Variants in TTC28 observed in about 807,000 individuals in gnomAD.
TTC28 encodes the protein tetratricopeptide repeat domain 28, also known as tetratricopeptide repeat protein 28.
In TTC28, 61 loss-of-function variants were observed where a neutral mutation model predicts 198.0. The observed-to-expected ratio is 0.31, with a 90% CI of 0.25 to 0.38. The LOEUF (loss-of-function observed/expected upper bound fraction) is 0.38, where lower values mean the gene tolerates loss of function less well. Among genes scored for constraint, TTC28 ranks in the 10% least tolerant of loss-of-function variants. The pLI is 1.00. For synonymous variants in TTC28, 1,171 were observed against 1,297.8 expected (o/e 0.90, Z 2.10); for missense variants, 2,678 against 3,164.0 (o/e 0.85, Z 3.69).
intron 12 of TTC28, among the ~76,000 whole-genome samples, chr22:28,077,933 C>G (rs1240212252): frequency 6.6e-6 from 1 of 152,156 alleles, no homozygotes; most frequent in African/African-American, 2.4e-5. Context: ...TGCCACAGCA[C>G]CGTTCTAGGA....
intron 2 of TTC28, among the ~76,000 whole-genome samples, chr22:28,443,625 C>A (rs929896493): frequency 6.6e-6 from 1 of 151,840 alleles, no homozygotes. Context: ...GGAAATCCTG[C>A]AAGAACCCAA....
intron 2 of TTC28, among the ~76,000 whole-genome samples, chr22:28,511,530 T>G (rs141878074): frequency 0.016 from 2,466 of 152,202 alleles, 89 homozygotes; most frequent in African/African-American, 0.057. Flanking sequence ...AACACTTAAA[T>G]GTAAAACCCA....
At chr22:28,250,107 A>G (rs764325586) in intron 5 of TTC28, among the ~76,000 whole-genome samples, 3 of 152,236 alleles carry the variant, frequency 2.0e-5, no homozygotes, top group Non-Finnish European at 4.4e-5. Flanking sequence ...ACCATTTTCA[A>G]TATTTCAAAA....
chr22:28,591,085 A>G (rs1359608016), intron 2 of TTC28, among the ~76,000 whole-genome samples: 6 of 123,080 alleles, frequency 4.9e-5, no homozygotes, highest in East Asian at 2.4e-4. Context: ...ATATATATAT[A>G]GGAATTGTGA....
chr22:28,445,954 TG>T (rs1173105118), intron 2 of TTC28, among the ~76,000 whole-genome samples: 1 of 152,078 alleles, frequency 6.6e-6, no homozygotes, highest in East Asian at 1.9e-4. Flanking sequence ...GGGACTTGAC[TG>T]TTATAATACC....
At chr22:28,519,294 C>T (rs1023420228) in intron 2 of TTC28, among the ~76,000 whole-genome samples, 1 of 152,182 alleles carries the variant, frequency 6.6e-6, no homozygotes, top group African/African-American at 2.4e-5. Context: ...TCTGGCACTT[C>T]AATTTTGCTT....
intron 2 of TTC28, among the ~76,000 whole-genome samples, chr22:28,563,853 A>C (rs993630209): frequency 6.6e-6 from 1 of 152,230 alleles, no homozygotes; most frequent in African/African-American, 2.4e-5. Flanking sequence ...TGTTCGTGAC[A>C]GCATTATTAT....
chr22:28,435,616 G>A (rs940682572), intron 2 of TTC28, among the ~76,000 whole-genome samples: 3 of 152,134 alleles, frequency 2.0e-5, no homozygotes, highest in African/African-American at 7.2e-5. Flanking sequence ...GGCTGCTGGC[G>A]CCCTTTCTTG....
At chr22:28,039,516 G>A (rs1338984901) in intron 12 of TTC28, among the ~76,000 whole-genome samples, 1 of 102,034 alleles carries the variant, frequency 9.8e-6, no homozygotes, top group Non-Finnish European at 1.9e-5. Context: ...CCCGGGGTCT[G>A]TTGTTGGGTG....
intron 2 of TTC28, among the ~76,000 whole-genome samples, chr22:28,574,005 T>C (rs2050103754): frequency 6.6e-6 from 1 of 152,100 alleles, no homozygotes; most frequent in Admixed American, 6.6e-5. Flanking sequence ...CCTATTCACG[T>C]TGTTGCAAAT....
chr22:28,090,510 A>C (rs923557717), intron 12 of TTC28, among the ~76,000 whole-genome samples: 2 of 152,192 alleles, frequency 1.3e-5, no homozygotes, highest in African/African-American at 4.8e-5. Flanking sequence ...TATAATATAT[A>C]AACCTAGGAC....
intron 9 of TTC28, among the ~76,000 whole-genome samples, chr22:28,099,512 G>A (rs974749332): frequency 2.6e-5 from 4 of 152,086 alleles, no homozygotes; most frequent in Admixed American, 6.6e-5. Flanking sequence ...CCTGCCACTC[G>A]CCCACTGACT....
At chr22:28,546,641 A>T (rs935492880) in intron 2 of TTC28, among the ~76,000 whole-genome samples, 1 of 152,010 alleles carries the variant, frequency 6.6e-6, no homozygotes, top group Non-Finnish European at 1.5e-5. Flanking sequence ...AGAAATAAAA[A>T]CTCATTTACA....
At chr22:28,243,174 CAAAAAAAAAAAAAAAAAAAAAAAA>C (rs754700795) in intron 5 of TTC28, among the ~76,000 whole-genome samples, 9 of 68,332 alleles carry the variant, frequency 1.3e-4, no homozygotes, top group Non-Finnish European at 1.5e-4. Flanking sequence ...CCCCTCTCTA[CAAAAAAAAAAAAAAAAAAAAAAAA>C]AAAAAAAAAA....
intron 5 of TTC28, among the ~76,000 whole-genome samples, chr22:28,192,551 T>C (rs1924919451): frequency 1.3e-5 from 2 of 152,104 alleles, no homozygotes; most frequent in South Asian, 2.1e-4. Context: ...TGAGAAAAGA[T>C]TGGATGAATG....
chr22:28,025,602 C>A (rs142152289), intron 13 of TTC28, among the ~76,000 whole-genome samples: 2 of 152,292 alleles, frequency 1.3e-5, no homozygotes, highest in East Asian at 3.9e-4. Flanking sequence ...CACAGCCTGG[C>A]CAGGTACGGA....
intron 2 of TTC28, among the ~76,000 whole-genome samples, chr22:28,354,649 C>T (rs761275686): frequency 6.6e-6 from 1 of 152,038 alleles, no homozygotes; most frequent in Admixed American, 6.6e-5. Flanking sequence ...AAATTATACA[C>T]ATAAATGGTT....
rs1942271009 is a variant in TTC28 at position 28,105,574 on chromosome 22, C to A, written c.3012G>T (p.Gly1004=). 1 of 1,551,756 alleles carries A rather than the reference C, an allele frequency of 6.4e-7. No individual in the cohort carries two copies. The highest frequency in any genetic ancestry group is 8.7e-7 in the Non-Finnish European group (1 of 1,147,022). Residue 1004 remains glycine, a synonymous_variant, in exon 8 of 23, where the codon GGG becomes GGT. Transcript: ENST00000397906. ...ALESDAACGL[G]GVYQQMGEYD... ...ACTCCCCCATCTGCTGGTAAACGCC[C>A]CCCAGGCCACAGGCTGCGTCACTCT... is the stretch of plus-strand genomic sequence containing the variant.
intron 5 of TTC28, among the ~76,000 whole-genome samples, chr22:28,237,486 T>A (rs1364411161): frequency 6.6e-6 from 1 of 152,206 alleles, no homozygotes; most frequent in South Asian, 2.1e-4. Flanking sequence ...ATTAACTGCT[T>A]TATGTATAAT....
Sources: gnomAD v4.1 joint callset for allele counts (sites outside exome capture counted in the v4.1 genomes callset) on GRCh38, gnomAD v4.1.1 for gene constraint, MANE v1.5 for transcripts, NCBI Gene and HGNC (gene_info 2026-07-23, HGNC 2026-07-21) for gene names.